KCTD3: variants seen among roughly 807,000 people sequenced by gnomAD.
KCTD3 encodes the protein BTB/POZ domain-containing protein KCTD3.
In KCTD3, 41 loss-of-function variants were observed where a neutral mutation model predicts 85.8. The observed-to-expected ratio is 0.48, with a 90% CI of 0.37 to 0.62. The LOEUF is 0.62. Among genes scored for constraint, KCTD3 ranks in the 20% least tolerant of loss-of-function variants. KCTD3 has a pLI of 0.00. For missense variants in KCTD3, 724 were observed against 989.9 expected (o/e 0.73, Z 3.60); for synonymous variants, 338 against 345.4 (o/e 0.98, Z 0.24).
chr1:215,618,305 T>C (rs1300527419), intron 15 of KCTD3: 1 of 187,492 alleles, frequency 5.3e-6, no homozygotes, highest in African/African-American at 2.4e-5. Flanking sequence ...GAATTATCTT[T>C]TTCCCTCCTT....
chr1:215,575,250 T>G (rs1203271061), intron 3 of KCTD3, among the ~76,000 whole-genome samples: 1 of 152,100 alleles, frequency 6.6e-6, no homozygotes, highest in Non-Finnish European at 1.5e-5. Flanking sequence ...GGATGCTGTC[T>G]CAAAACAAAC....
At chr1:215,580,989 C>T (rs1167658169) in intron 8 of KCTD3, 6 of 463,952 alleles carry the variant, frequency 1.3e-5, no homozygotes, top group South Asian at 3.1e-5. Flanking sequence ...TGGCTGGGCA[C>T]GGTGGGTCAC....
chr1:215,593,619 TGAGTTC>T (rs1660301334), intron 9 of KCTD3, among the ~76,000 whole-genome samples: 1 of 152,168 alleles, frequency 6.6e-6, no homozygotes, highest in Admixed American at 6.5e-5. Context: ...GTTTTTCCCA[TGAGTTC>T]TTCAAGGTTT....
At position 215,614,924 on chromosome 1, in the gene KCTD3, A is replaced by G. The variant is rs570026220; in HGVS notation, c.1562+3003A>G. 4.6e-5 allele frequency among the ~76,000 whole-genome samples: 7 copies of G among 152,320 alleles called. No homozygotes were observed. The South Asian group carries it at 8.3e-4, about 18-fold the overall frequency. ...TGATGTAGTGTTCTCTGCATAGTGA[A>G]GAAACTGCCAAATGTTATTAAAACT... On this transcript the variant is annotated intron_variant, in intron 15 of 17. Transcript: ENST00000259154.
At chr1:215,610,523 T>C (rs1195170043) in intron 14 of KCTD3, among the ~76,000 whole-genome samples, 1 of 151,918 alleles carries the variant, frequency 6.6e-6, no homozygotes, top group Non-Finnish European at 1.5e-5. Flanking sequence ...GGAGAGAAGA[T>C]ACAGTTCTAT....
chr1:215,596,961 T>G (rs527844622), intron 10 of KCTD3, among the ~76,000 whole-genome samples: 87 of 152,250 alleles, frequency 5.7e-4, no homozygotes, highest in Non-Finnish European at 1.6e-4. Flanking sequence ...CATTTCTTTC[T>G]CTGTGACAGA....
rs148669072 is a variant in KCTD3 at position 215,620,593 on chromosome 1, C to A, written c.2423C>A (p.Ser808Tyr). The A allele has an allele frequency of 5.6e-4, 892 of 1,606,464 alleles. 21 individuals are homozygous for A. The East Asian group carries it at 0.014, about 25-fold the overall frequency. The change falls in exon 18 of 18, where the codon TCT becomes TAT. Residue 808 changes from serine to tyrosine, a missense_variant. By Grantham distance (144) the Ser-to-Tyr change is moderately radical (BLOSUM62 -2). Coordinates refer to ENST00000259154, the MANE Select transcript of KCTD3 (RefSeq NM_016121.5). ...TPSPRHKKSD[S>Y]SGQEYSL ...TCTCCTCGGCATAAAAAAAGTGATT[C>A]TTCAGGTCAGGAGTACAGCTTGTGA...
chr1:215,579,840 G>T, intron 7 of KCTD3, 69 bp from the exon 8 acceptor site: 1 of 1,060,118 alleles, frequency 9.4e-7, no homozygotes. Context: ...GGCTGAAACT[G>T]GCCTGGTGGC....
chr1:215,612,950 A>G lies in KCTD3; in HGVS notation c.1562+1029A>G, dbSNP rs144952401. The stretch of plus-strand genomic sequence containing the variant: ...ACGATGAGAACACATGGACACATGG[A>G]AGGGAACAACACACAACAAGGAGCC... On this transcript the variant is annotated intron_variant, in intron 15 of 17. Coordinates refer to ENST00000259154, the MANE Select transcript of KCTD3 (RefSeq NM_016121.5). Among the ~76,000 whole-genome samples, 937 of 152,256 alleles carry G rather than the reference A, an allele frequency of 6.2e-3. 23 individuals carry two copies. The South Asian group carries it at 0.074, about 12-fold the overall frequency.
chr1:215,575,493 A>C lies in KCTD3; in HGVS notation c.184-408A>C, dbSNP rs575933147. ...ACCCCTGTGTGCATTATTAAAGTAC[A>C]TTGTAGTTTTAATGATTGAACAGTA... On this transcript the variant is annotated intron_variant, in intron 3 of 17. Coordinates refer to ENST00000259154, the MANE Select transcript of KCTD3 (RefSeq NM_016121.5). Among the ~76,000 whole-genome samples, 17 of 152,296 alleles carry C rather than the reference A, an allele frequency of 1.1e-4. No individual in the cohort carries two copies. The East Asian group carries it at 2.7e-3, about 24-fold the overall frequency.
chr1:215,613,119 G>C (rs141109954), intron 15 of KCTD3, among the ~76,000 whole-genome samples: 10 of 152,280 alleles, frequency 6.6e-5, no homozygotes, highest in African/African-American at 2.4e-4. Context: ...TCCCGCACAT[G>C]TACCCCAGAA....
In KCTD3 at chr1:215,620,235, A is replaced by G; in HGVS notation, c.2065A>G (p.Asn689Asp). The change falls in exon 18 of 18, where the codon AAC (asparagine) becomes GAC (aspartate). Residue 689 changes from asparagine (N) to aspartate (D), a missense_variant. Around this residue, in one of 6 missense-constraint regions of KCTD3, gnomAD observed 222 missense variants for 217.7 expected, o/e 1.02. Coordinates refer to ENST00000259154, the MANE Select transcript of KCTD3 (RefSeq NM_016121.5). ...AGAAAGAGCTGTCCCTGAAAATGGT[A>G]ACTTGGGTCCAATACAAGCTGAAGT... ...NVERAVPENG[N>D]LGPIQAEVKG... 1.2e-6 allele frequency: 2 copies of G among 1,613,962 alleles called. No individual in the cohort carries two copies. Among genetic ancestry groups the G allele is most frequent in the Non-Finnish European group, 1.7e-6 (2 of 1,179,874 alleles).
At position 215,567,755 on chromosome 1, in the gene KCTD3, G is replaced by C; in HGVS notation, c.70G>C (p.Val24Leu). ...CAGCGGCGAGATCGTCCAACTGAACGTAGGGGGGACCAGGTGAGTCGGCGG... is the reference window on the plus strand; with the variant it reads ...CAGCGGCGAGATCGTCCAACTGAACCTAGGGGGGACCAGGTGAGTCGGCGG... ...AGSGEIVQLN[V>L]GGTRFSTSRQ... is the part of the protein sequence containing the mutation. The change falls in exon 1 of 18, where the codon GTA (valine) becomes CTA (leucine). Residue 24 changes from valine to leucine, a missense_variant. Around this residue, in one of 6 missense-constraint regions of KCTD3, gnomAD observed 97 missense variants for 115.7 expected, o/e 0.84. Coordinates refer to ENST00000259154, the MANE Select transcript of KCTD3 (RefSeq NM_016121.5). 8.0e-7 allele frequency: 1 copy of C among 1,244,922 alleles called. No homozygotes were observed. Among genetic ancestry groups the C allele is most frequent in the Non-Finnish European group, 1.0e-6 (1 of 988,256 alleles). 77.1% of individuals were successfully genotyped at this position (1,244,922 alleles called of 1,614,324 possible).
At chr1:215,591,850 T>C (rs1452521757) in intron 9 of KCTD3, among the ~76,000 whole-genome samples, 1 of 152,180 alleles carries the variant, frequency 6.6e-6, no homozygotes, top group Non-Finnish European at 1.5e-5. Context: ...CTTTATTTGG[T>C]ATATTAGTCC....
At position 215,567,552 on chromosome 1, in the gene KCTD3, C is replaced by A; in HGVS notation, c.-134C>A. 1 of 364,182 alleles carries A rather than the reference C, an allele frequency of 2.7e-6. No individual in the cohort carries two copies. The highest frequency in any genetic ancestry group is 1.4e-4 in the South Asian group (1 of 7,392). The allele number at this position is 364,182 out of a possible 1,614,324, so 22.6% of individuals were successfully genotyped here. ...GCCGCCGGGAAGGTGGGGGAAGCCC[C>A]GTGCACCCCCCGCCCTCCGGCCGCC... On this transcript the variant is annotated 5_prime_UTR_variant, in exon 1 of 18. Transcript: ENST00000259154.
intron 14 of KCTD3, among the ~76,000 whole-genome samples, chr1:215,610,220 G>T (rs1349401042): frequency 6.6e-6 from 1 of 151,850 alleles, no homozygotes; most frequent in Non-Finnish European, 1.5e-5. Flanking sequence ...GATATTGGAG[G>T]TGACCATGAA....
Position 215,604,115 on chromosome 1 carries a change from C to A in KCTD3, c.1139-17C>A. On this transcript the variant is annotated splice_polypyrimidine_tract_variant and intron_variant, in intron 12 of 17. Coordinates refer to ENST00000259154, the MANE Select transcript of KCTD3 (RefSeq NM_016121.5). The stretch of plus-strand genomic sequence containing the variant: ...CGTTCCATAATGTATCACCTGTCAA[C>A]TCTTGACTTTATATAGGTGTCAGTG... 1 of 1,588,576 alleles carries A rather than the reference C, an allele frequency of 6.3e-7. No individual in the cohort carries two copies. The highest frequency in any genetic ancestry group is 8.6e-7 in the Non-Finnish European group (1 of 1,168,872).
intron 9 of KCTD3, among the ~76,000 whole-genome samples, chr1:215,594,032 G>T (rs1244342230): frequency 6.6e-6 from 1 of 151,778 alleles, no homozygotes; most frequent in Non-Finnish European, 1.5e-5. Flanking sequence ...GCTAATTTTT[G>T]TATTTTTAGT....
At chr1:215,595,692 ATT>A (rs1297912261) in intron 10 of KCTD3, among the ~76,000 whole-genome samples, 3 of 152,114 alleles carry the variant, frequency 2.0e-5, no homozygotes, top group Non-Finnish European at 4.4e-5. Flanking sequence ...GTGGTTTTGC[ATT>A]TCTCCATTTA....
Sources: allele counts gnomAD v4.1 joint callset (sites outside exome capture counted in the v4.1 genomes callset), GRCh38; gene constraint gnomAD v4.1.1; regional missense constraint gnomAD v4.1.1; transcripts MANE v1.5; gene names NCBI Gene and HGNC (gene_info 2026-07-23, HGNC 2026-07-21).